The following LRCH2 variants were observed in gnomAD, a reference collection of about 807,000 sequenced individuals.
The protein encoded by LRCH2 is leucine rich repeats and calponin homology domain containing 2.
LRCH2 carries 38 observed loss-of-function variants against 68.9 expected under a neutral mutation model. The observed-to-expected ratio is 0.55, with a 90% CI of 0.43 to 0.72. The LOEUF (loss-of-function observed/expected upper bound fraction) is 0.72. Ranked by LOEUF, LRCH2 falls within the 30% of genes least tolerant of loss-of-function variation. The probability of loss-of-function intolerance (pLI) is 0.00; values close to 1 mark genes in which losing one functional copy is unlikely to be tolerated. For missense variants in LRCH2, 528 were observed against 572.9 expected (o/e 0.92, Z 0.80); for synonymous variants, 191 against 208.1 (o/e 0.92, Z 0.71).
In LRCH2 at chrX:115,161,691, A is replaced by G. The variant is rs782174318; in HGVS notation, c.1463+1985T>C. On this transcript the variant is annotated intron_variant, in intron 11 of 20. Coordinates refer to ENST00000317135, the MANE Select transcript of LRCH2 (RefSeq NM_020871.4). ...TACTATGTATAAGGCACAGTGCTAG[A>G]TGCTATTTTGTACTGATTACAAAAC... 2.3e-3 allele frequency among the ~76,000 whole-genome samples: 252 copies of G among 111,229 alleles called. 1 individual carries two copies. The highest frequency in any genetic ancestry group is 8.0e-3 in the African/African-American group (246 of 30,699).
At chrX:115,170,577 A>T (rs143574798) in intron 5 of LRCH2, 145 bp from the exon 6 acceptor site, 79,879 of 566,973 alleles carry the variant, frequency 0.14, 4,885 homozygotes, top group Non-Finnish European at 0.16. Context: ...TGTACTTCTG[A>T]CACCAGGTGG....
At chrX:115,166,441 T>A (rs2072560637) in intron 6 of LRCH2, 99 bp from the exon 7 acceptor site, 2 of 505,559 alleles carry the variant, frequency 4.0e-6, no homozygotes, top group East Asian at 3.8e-5. Context: ...GAATATATAC[T>A]TTTGATGTCT....
chrX:115,125,281 C>G (rs1227533537), intron 16 of LRCH2, among the ~76,000 whole-genome samples: 7 of 104,675 alleles, frequency 6.7e-5, no homozygotes, highest in Non-Finnish European at 1.2e-4. Flanking sequence ...GTGGCATGTG[C>G]CTGTAGTCCT....
chrX:115,204,198 G>A (rs1051202942), intron 1 of LRCH2, among the ~76,000 whole-genome samples: 14 of 113,179 alleles, frequency 1.2e-4, no homozygotes, highest in African/African-American at 4.2e-4. Flanking sequence ...CTGGGACACA[G>A]GGAACCATGT....
intron 14 of LRCH2, among the ~76,000 whole-genome samples, chrX:115,138,706 C>G (rs945824215): frequency 4.5e-5 from 5 of 111,756 alleles, no homozygotes; most frequent in African/African-American, 1.6e-4. Context: ...ATTACTGTTA[C>G]TCAACTATAA....
intron 1 of LRCH2, among the ~76,000 whole-genome samples, chrX:115,223,403 T>C (rs2073097626): frequency 9.2e-6 from 1 of 109,253 alleles, no homozygotes; most frequent in South Asian, 4.0e-4. Flanking sequence ...AGGAAAGAAA[T>C]ATTTGCAAGT....
intron 5 of LRCH2, among the ~76,000 whole-genome samples, chrX:115,172,752 A>AATTT (rs2072613878): frequency 6.0e-5 from 5 of 82,764 alleles, no homozygotes; most frequent in African/African-American, 9.0e-5. Flanking sequence ...CTTACTTTCT[A>AATTT]TTTTTTTTTT....
In LRCH2 at chrX:115,112,581, T is replaced by A. The variant is rs1361142209; in HGVS notation, c.*635A>T. On this transcript the variant is annotated 3_prime_UTR_variant, in exon 21 of 21. Transcript: ENST00000317135. ...GTTCCATTGACTCTATTAATACATT[T>A]AAAAAATTGCAAAAATGCTTAAGAC... 9.0e-6 allele frequency: 1 copy of A among 111,726 alleles called. No individual in the cohort carries two copies. The highest frequency in any genetic ancestry group is 3.3e-5 in the African/African-American group (1 of 30,757). The allele number at this position is 111,726 out of a possible 1,213,427, so 9.2% of individuals were successfully genotyped here. A position where few individuals can be genotyped will look rare whatever the true frequency, so the allele number is the denominator to read the frequency against.
chrX:115,207,210 A>G, intron 1 of LRCH2, among the ~76,000 whole-genome samples: 1 of 111,517 alleles, frequency 9.0e-6, no homozygotes, highest in Non-Finnish European at 1.9e-5. Flanking sequence ...GCAAAAAATT[A>G]AATAAATAAA....
At chrX:115,157,447 T>C (rs1556540101) in intron 11 of LRCH2, among the ~76,000 whole-genome samples, 2 of 109,302 alleles carry the variant, frequency 1.8e-5, no homozygotes. Context: ...ACTAATAAAA[T>C]ACATAATGAA....
intron 1 of LRCH2, chrX:115,192,236 G>C (rs1049426782): frequency 1.1e-4 from 128 of 1,162,856 alleles, no homozygotes; most frequent in Non-Finnish European, 1.4e-4. Flanking sequence ...GGCCTCAACA[G>C]TTCCAACAAC....
chrX:115,210,808 G>A (rs1482218862), intron 1 of LRCH2, among the ~76,000 whole-genome samples: 1 of 111,990 alleles, frequency 8.9e-6, no homozygotes, highest in Non-Finnish European at 1.9e-5. Context: ...CCTACCTCTT[G>A]CATCAGCGTG....
intron 1 of LRCH2, among the ~76,000 whole-genome samples, chrX:115,218,126 G>C (rs782133773): frequency 9.0e-6 from 1 of 111,171 alleles, no homozygotes; most frequent in Non-Finnish European, 1.9e-5. Context: ...AACAGAGGGA[G>C]CCCCCGTCTC....
At chrX:115,117,465 T>C (rs1162610761) in intron 20 of LRCH2, among the ~76,000 whole-genome samples, 1 of 111,734 alleles carries the variant, frequency 8.9e-6, no homozygotes, top group Non-Finnish European at 1.9e-5. Flanking sequence ...AAAGAATGTA[T>C]AAATCCATAC....
intron 14 of LRCH2, among the ~76,000 whole-genome samples, chrX:115,136,735 T>C (rs1210075292): frequency 9.0e-6 from 1 of 111,686 alleles, no homozygotes; most frequent in Admixed American, 9.6e-5. Context: ...TGGCAGGTAA[T>C]GAAATATAGA....
intron 14 of LRCH2, among the ~76,000 whole-genome samples, chrX:115,141,710 A>G (rs781908719): frequency 6.4e-5 from 7 of 109,088 alleles, no homozygotes; most frequent in African/African-American, 2.3e-4. Context: ...TACTAAAAAT[A>G]CAAAAAATAA....
rs2072037556 is a variant in LRCH2, at chrX:115,110,839, C to T, written c.*2377G>A. 1.8e-5 allele frequency: 2 copies of T among 111,635 alleles called. No individual in the cohort carries two copies. The highest frequency in any genetic ancestry group is 7.5e-4 in the South Asian group (2 of 2,680). 9.2% of individuals were successfully genotyped at this position (111,635 alleles called of 1,213,427 possible). On this transcript the variant is annotated 3_prime_UTR_variant, in exon 21 of 21. Transcript: ENST00000317135. ...TTTTTACTCCTTATTTCATTTCTAA[C>T]ATACCCAATGTCACTTCTTTCTTGT...
chrX:115,190,605 C>G (rs1556557544), intron 1 of LRCH2: 3 of 1,160,143 alleles, frequency 2.6e-6, no homozygotes, highest in Non-Finnish European at 3.5e-6. Context: ...AAGAAGGCTG[C>G]TACGAGGAGT....
At chrX:115,132,107 T>G (rs782300122) in intron 14 of LRCH2, among the ~76,000 whole-genome samples, 1 of 112,120 alleles carries the variant, frequency 8.9e-6, no homozygotes, top group Admixed American at 9.5e-5. Flanking sequence ...TTGTCAATTT[T>G]GGCTTTCGTT....
Sources: allele counts gnomAD v4.1 joint callset (sites outside exome capture counted in the v4.1 genomes callset), GRCh38; gene constraint gnomAD v4.1.1; transcripts MANE v1.5; gene names NCBI Gene and HGNC (gene_info 2026-07-23, HGNC 2026-07-21).